Variants in DEPTOR observed in about 807,000 individuals in gnomAD.
DEPTOR encodes the protein DEP domain-containing mTOR-interacting protein.
Under a neutral mutation model 41.6 loss-of-function variants are expected in DEPTOR, and 41 were observed. The observed-to-expected ratio is 0.98, with a 90% CI of 0.77 to 1.28. The LOEUF (loss-of-function observed/expected upper bound fraction) is 1.28. DEPTOR is among the 50% of genes most tolerant of loss of function. The pLI is 0.00. For missense variants in DEPTOR, 514 were observed against 527.9 expected (o/e 0.97, Z 0.26); for synonymous variants, 195 against 192.3 (o/e 1.01, Z -0.12).
chr8:119,921,223 A>C (rs2002377), intron 1 of DEPTOR, among the ~76,000 whole-genome samples: 42,614 of 152,020 alleles, frequency 0.28, 6,423 homozygotes, highest in Middle Eastern at 0.4. Context: ...GCAATCCACC[A>C]GCCTCGGCCT....
At chr8:120,032,397 T>G (rs1478684400) in intron 8 of DEPTOR, among the ~76,000 whole-genome samples, 1 of 151,950 alleles carries the variant, frequency 6.6e-6, no homozygotes, top group African/African-American at 2.4e-5. Context: ...TTTTTTGTAT[T>G]TTTAGTAGAG....
chr8:119,876,644 A>C (rs1426838025), intron 1 of DEPTOR, among the ~76,000 whole-genome samples: 2 of 152,026 alleles, frequency 1.3e-5, no homozygotes, highest in Non-Finnish European at 2.9e-5. Flanking sequence ...TCTCAAAAAA[A>C]AAAAAAGAAG....
chr8:120,029,391 A>T (rs1812850658), intron 8 of DEPTOR, among the ~76,000 whole-genome samples: 1 of 151,604 alleles, frequency 6.6e-6, no homozygotes, highest in Non-Finnish European at 1.5e-5. Context: ...GTTTTATTTT[A>T]TTTATTTATT....
chr8:120,043,883 G>A (rs907919572), intron 8 of DEPTOR, among the ~76,000 whole-genome samples: 1 of 151,742 alleles, frequency 6.6e-6, no homozygotes, highest in African/African-American at 2.4e-5. Context: ...GTGGTGGTGT[G>A]TGCCTGTAAT....
In DEPTOR at chr8:119,884,570, C is replaced by CT. The variant is rs71304915; in HGVS notation, c.122+10615dup. Among the ~76,000 whole-genome samples, 156 of 144,116 alleles carry CT rather than the reference C, an allele frequency of 1.1e-3. 3 individuals are homozygous for CT. The South Asian group carries it at 0.021, about 19-fold the overall frequency. The allele number at this position is 144,116 out of a possible 152,430, so 94.5% of individuals were successfully genotyped here. A position where few individuals can be genotyped will look rare whatever the true frequency, so the allele number is the denominator to read the frequency against. On this transcript the variant is annotated intron_variant, in intron 1 of 8. Transcript: ENST00000286234. The stretch of plus-strand genomic sequence containing the variant: ...AAAAAAAATACTTTTAAAGGATTGG[C>CT]TTTTTTTTTTTTTCATGTTGAAGGA...
chr8:119,918,682 A>T (rs1827847981), intron 1 of DEPTOR, among the ~76,000 whole-genome samples: 1 of 151,994 alleles, frequency 6.6e-6, no homozygotes, highest in Admixed American at 6.6e-5. Context: ...GATGGTCTTG[A>T]TCTCTTGACC....
At chr8:120,018,239 AT>A (rs950605229) in intron 8 of DEPTOR, among the ~76,000 whole-genome samples, 6 of 151,698 alleles carry the variant, frequency 4.0e-5, no homozygotes, top group African/African-American at 1.4e-4. Context: ...GCCTTCTGTG[AT>A]TTTTTTTTCC....
At chr8:119,971,066 T>TA (rs1828626201) in intron 4 of DEPTOR, among the ~76,000 whole-genome samples, 1 of 151,906 alleles carries the variant, frequency 6.6e-6, no homozygotes, top group African/African-American at 2.4e-5. Context: ...CCGTCTCTGC[T>TA]AAAAATACAA....
intron 4 of DEPTOR, among the ~76,000 whole-genome samples, chr8:119,977,404 G>T (rs1489867326): frequency 6.6e-6 from 1 of 151,998 alleles, no homozygotes; most frequent in Non-Finnish European, 1.5e-5. Context: ...AAAAAAGCTG[G>T]GTAGAGTATT....
intron 6 of DEPTOR, among the ~76,000 whole-genome samples, chr8:120,005,930 G>A (rs1391801399): frequency 2.0e-5 from 3 of 152,248 alleles, no homozygotes; most frequent in African/African-American, 7.2e-5. Context: ...GCATGGCCCA[G>A]AGTAAATGTG....
chr8:119,932,667 A>G (rs542019626), intron 3 of DEPTOR, among the ~76,000 whole-genome samples: 2 of 152,340 alleles, frequency 1.3e-5, no homozygotes, highest in East Asian at 3.9e-4. Flanking sequence ...ATGAGCTTGC[A>G]CTTCAGTTGA....
Position 119,928,986 on chromosome 8 carries a change from AG to A in DEPTOR, c.301+409del, listed in dbSNP as rs1368925704. Among the ~76,000 whole-genome samples the A allele has an allele frequency of 2.6e-5, 4 of 152,222 alleles. No individual in the cohort carries two copies. In the East Asian group the frequency reaches 7.7e-4, roughly 29 times the overall value. On this transcript the variant is annotated intron_variant, in intron 2 of 8. Transcript: ENST00000286234. ...TGTTTTAAAAGTTTTCTATCATTATAGAAGTGCATATTTATGCTTTTGCAAC... is the reference window on the plus strand; with the variant it reads ...TGTTTTAAAAGTTTTCTATCATTATAAAGTGCATATTTATGCTTTTGCAAC...
rs1173820465 is a variant in DEPTOR, at chr8:120,002,776, C to CAAAAAA, written c.791-190_791-185dup. Among the ~76,000 whole-genome samples the CAAAAAA allele has an allele frequency of 2.9e-4, 16 of 54,434 alleles. No homozygotes were observed. In the East Asian group the frequency reaches 3.3e-3, roughly 11 times the overall value. 35.7% of individuals were successfully genotyped at this position (54,434 alleles called of 152,430 possible). On this transcript the variant is annotated intron_variant, in intron 5 of 8. Transcript: ENST00000286234. ...TGTGCAACAGGGCAAGACTCCATCTCAAAAAAAAAAAAAAAATATATATAT... is the reference window on the plus strand; with the variant it reads ...TGTGCAACAGGGCAAGACTCCATCTCAAAAAAAAAAAAAAAAAAAAAATATATATAT...
At chr8:120,002,607 A>T (rs1812365904) in intron 5 of DEPTOR, among the ~76,000 whole-genome samples, 1 of 150,774 alleles carries the variant, frequency 6.6e-6, no homozygotes, top group South Asian at 2.1e-4. Context: ...CAGAGAACAA[A>T]TCTCTACTAA....
intron 4 of DEPTOR, among the ~76,000 whole-genome samples, chr8:119,981,884 G>A (rs918453332): frequency 3.4e-4 from 52 of 151,292 alleles, no homozygotes; most frequent in African/African-American, 1.2e-3. Context: ...GAGTGGTGGC[G>A]GGCGCCTGTA....
intron 4 of DEPTOR, among the ~76,000 whole-genome samples, chr8:119,974,235 T>TAAAAAAAA (rs35885551): frequency 2.7e-5 from 2 of 74,908 alleles, no homozygotes; most frequent in Admixed American, 2.1e-4. Flanking sequence ...CTTGTCTCTT[T>TAAAAAAAA]AAAAAAAAAA....
At chr8:119,934,418 G>A (rs1215280787) in intron 3 of DEPTOR, among the ~76,000 whole-genome samples, 3 of 152,216 alleles carry the variant, frequency 2.0e-5, no homozygotes, top group African/African-American at 4.8e-5. Context: ...GGCATGGATC[G>A]TCCTGCACAG....
rs143068747 is a variant in DEPTOR at position 119,874,738 on chromosome 8, C to G, written c.122+770C>G. 3.2e-3 allele frequency among the ~76,000 whole-genome samples: 490 copies of G among 152,262 alleles called. 5 individuals carry two copies. Among genetic ancestry groups the G allele is most frequent in the African/African-American group, 0.011 (472 of 41,560 alleles). On this transcript the variant is annotated intron_variant, in intron 1 of 8. Coordinates refer to ENST00000286234, the MANE Select transcript of DEPTOR (RefSeq NM_022783.4). ...TGCGGCGTCTCACGGAACTTGGGAACAAGGACGACCCCCAGAATCCCCCTT... is the reference window on the plus strand; with the variant it reads ...TGCGGCGTCTCACGGAACTTGGGAAGAAGGACGACCCCCAGAATCCCCCTT...
chr8:120,028,483 G>A (rs548860028), intron 8 of DEPTOR, among the ~76,000 whole-genome samples: 16 of 136,528 alleles, frequency 1.2e-4, no homozygotes, highest in African/African-American at 3.4e-4. Flanking sequence ...TTCCTGAGAC[G>A]GAGTCTCTCT....
Sources: gnomAD v4.1 joint callset for allele counts (sites outside exome capture counted in the v4.1 genomes callset) on GRCh38, gnomAD v4.1.1 for gene constraint, MANE v1.5 for transcripts, NCBI Gene and HGNC (gene_info 2026-07-23, HGNC 2026-07-21) for gene names.